Variants in AGAP3 observed in about 807,000 individuals in gnomAD.
AGAP3 encodes the protein arf-GAP with GTPase, ANK repeat and PH domain-containing protein 3.
A neutral mutation model predicts 96.9 loss-of-function variants in AGAP3; 24 were observed. The ratio of observed to expected loss-of-function variants is 0.25; its 90% confidence interval spans 0.18 to 0.35. The LOEUF is 0.35. AGAP3 is among the 10% of genes least tolerant of loss of function. The pLI is 1.00. For synonymous variants in AGAP3, 563 were observed against 536.1 expected (o/e 1.05, Z -0.69); for missense variants, 876 against 1,254.2 (o/e 0.70, Z 4.55).
Position 151,116,777 on chromosome 7 carries a change from GCT to G in AGAP3, c.332-13_332-12del. Reference sequence around the variant, plus strand: ...GTGCCACCCTGGCCCTGACGGGGCGGCTCTGTCTTCCGCAGACTCGTTTGTGA... The same window carrying G: ...GTGCCACCCTGGCCCTGACGGGGCGGCTGTCTTCCGCAGACTCGTTTGTGA... On this transcript the variant is annotated splice_polypyrimidine_tract_variant and intron_variant, in intron 1 of 17. Coordinates refer to ENST00000397238, the MANE Select transcript of AGAP3 (RefSeq NM_031946.7). The G allele has an allele frequency of 6.2e-7, 1 of 1,614,038 alleles. No homozygotes were observed. Among genetic ancestry groups the G allele is most frequent in the Non-Finnish European group, 8.5e-7 (1 of 1,179,988 alleles).
rs757071312 is a variant in AGAP3 at position 151,120,145 on chromosome 7, G to T, written c.1128G>T (p.Thr376=). 2 of 1,599,406 alleles carry T rather than the reference G, an allele frequency of 1.3e-6. No individual in the cohort carries two copies. The highest frequency in any genetic ancestry group is 8.5e-7 in the Non-Finnish European group (1 of 1,170,690). The change falls in exon 8 of 18, where the codon ACG becomes ACT. Residue 376 remains threonine, a splice_region_variant and synonymous_variant. Transcript: ENST00000397238. Reference sequence around the variant, plus strand: ...CCAAGCGGCGCTCCAACATCTTCACGGTACGTGACTGCCCTCCTCCCCCGC... The same window carrying T: ...CCAAGCGGCGCTCCAACATCTTCACTGTACGTGACTGCCCTCCTCCCCCGC... ...KQSKRRSNIF[T]SRKGADLDRE... is the part of the protein sequence containing the mutation.
At position 151,099,692 on chromosome 7, in the gene AGAP3, A is replaced by T. The variant is rs150353798; in HGVS notation, c.331+12620A>T. 1.5e-3 allele frequency among the ~76,000 whole-genome samples: 230 copies of T among 152,332 alleles called. 1 individual carries two copies. Among genetic ancestry groups the T allele is most frequent in the African/African-American group, 5.2e-3 (218 of 41,580 alleles). The stretch of plus-strand genomic sequence containing the variant: ...ACCGGGCCGCTGGCCGCTGTCAGTC[A>T]GCATCTTGACCACCTGCTAGGGGCT... On this transcript the variant is annotated intron_variant, in intron 1 of 17. Transcript: ENST00000397238.
intron 1 of AGAP3, among the ~76,000 whole-genome samples, chr7:151,093,800 C>A (rs1315187789): frequency 2.0e-5 from 3 of 152,210 alleles, no homozygotes; most frequent in African/African-American, 7.2e-5. Context: ...CCTGCTCTGC[C>A]ACTAACTGGC....
chr7:151,104,232 G>T lies in AGAP3; in HGVS notation c.332-12561G>T, dbSNP rs1386130468. Among the ~76,000 whole-genome samples, 3 of 152,296 alleles carry T rather than the reference G, an allele frequency of 2.0e-5. No homozygotes were observed. In the East Asian group the frequency reaches 5.8e-4, roughly 29 times the overall value. On this transcript the variant is annotated intron_variant, in intron 1 of 17. Coordinates refer to ENST00000397238, the MANE Select transcript of AGAP3 (RefSeq NM_031946.7). ...AATCTTTCTGTAAGTATTAGCCAGTGTTCTGTTAAGAGCAGCATCTTCCCA... is the reference window on the plus strand; with the variant it reads ...AATCTTTCTGTAAGTATTAGCCAGTTTTCTGTTAAGAGCAGCATCTTCCCA...
intron 8 of AGAP3, chr7:151,123,330 C>T: frequency 1.9e-6 from 2 of 1,035,768 alleles, no homozygotes; most frequent in Non-Finnish European, 2.3e-6. Context: ...CTCTCTCTGT[C>T]CATCCACTGT....
intron 11 of AGAP3, chr7:151,137,724 C>T (rs543207285): frequency 9.0e-4 from 169 of 188,630 alleles, no homozygotes; most frequent in African/African-American, 3.8e-3. Context: ...ACTTATTTCT[C>T]GTCAGAATGG....
chr7:151,130,651 C>G (rs1377880529), intron 10 of AGAP3, among the ~76,000 whole-genome samples: 1 of 152,120 alleles, frequency 6.6e-6, no homozygotes, highest in Non-Finnish European at 1.5e-5. Flanking sequence ...CCCTGCAAGG[C>G]CAGGCCTGGA....
At chr7:151,100,756 C>T (rs754014873) in intron 1 of AGAP3, among the ~76,000 whole-genome samples, 34 of 152,198 alleles carry the variant, frequency 2.2e-4, no homozygotes, top group Non-Finnish European at 3.8e-4. Context: ...GTGCGAGGAT[C>T]GCCTGAGCCC....
In AGAP3 at chr7:151,118,005, G is replaced by A. The variant is rs1197952236; in HGVS notation, c.707-205G>A. The A allele has an allele frequency of 9.1e-6, 8 of 880,042 alleles. 1 individual carries two copies. The highest frequency in any genetic ancestry group is 1.2e-5 in the Non-Finnish European group (7 of 586,228). 54.5% of individuals were successfully genotyped at this position (880,042 alleles called of 1,614,324 possible). The stretch of plus-strand genomic sequence containing the variant: ...TCTGTGTTTTTTTAGATGAATAAAC[G>A]TGCTCAGAGCTTAAGTGCTTGCTGG... On this transcript the variant is annotated intron_variant, in intron 5 of 17. Coordinates refer to ENST00000397238, the MANE Select transcript of AGAP3 (RefSeq NM_031946.7). This position sits in a 1 kb window ranked among gnomAD's most constrained non-coding sequence, Gnocchi z 6.1.
chr7:151,087,434 C>T (rs1190852201), intron 1 of AGAP3, among the ~76,000 whole-genome samples: 1 of 152,118 alleles, frequency 6.6e-6, no homozygotes, highest in South Asian at 2.1e-4. Context: ...AGCCGCTGCC[C>T]GGGCCCTGCT....
intron 1 of AGAP3, among the ~76,000 whole-genome samples, chr7:151,087,818 G>C (rs1283786043): frequency 1.3e-5 from 2 of 152,278 alleles, no homozygotes; most frequent in African/African-American, 4.8e-5. Flanking sequence ...TGGGCCCTTA[G>C]GCCCTGGACT....
At chr7:151,119,135 GTC>G in intron 7 of AGAP3, 1 of 184,810 alleles carries the variant, frequency 5.4e-6, no homozygotes, top group Non-Finnish European at 1.2e-5. Context: ...CCTTCTTACT[GTC>G]TCTGAGCAGC....
chr7:151,096,528 A>T lies in AGAP3; in HGVS notation c.331+9456A>T, dbSNP rs1298734288. Among the ~76,000 whole-genome samples, 1 of 150,584 alleles carries T rather than the reference A, an allele frequency of 6.6e-6. No individual in the cohort carries two copies. Among genetic ancestry groups the T allele is most frequent in the Non-Finnish European group, 1.5e-5 (1 of 67,802 alleles). On this transcript the variant is annotated intron_variant, in intron 1 of 17. Transcript: ENST00000397238. This position sits in a 1 kb window ranked among gnomAD's most constrained non-coding sequence, Gnocchi z 4.4. ...CGCTCTGTCGCCCAGGCTGGAGTGC[A>T]GTGGCGCGATCTCGGCTCACTGCAA...
Position 151,109,208 on chromosome 7 carries a change from G to C in AGAP3, c.332-7585G>C, listed in dbSNP as rs553642645. Reference sequence around the variant, plus strand: ...AAAAACAAAAAACAAAGAAAACAAAGAAAAAATAGCTGGACATGGTGTTGC... The same window carrying C: ...AAAAACAAAAAACAAAGAAAACAAACAAAAAATAGCTGGACATGGTGTTGC... On this transcript the variant is annotated intron_variant, in intron 1 of 17. Transcript: ENST00000397238. Among the ~76,000 whole-genome samples, 38 of 149,158 alleles carry C rather than the reference G, an allele frequency of 2.5e-4. No individual in the cohort carries two copies. The South Asian group carries it at 8.3e-3, about 33-fold the overall frequency.
In AGAP3 at chr7:151,142,254, G is replaced by GT. The variant is rs1422344008; in HGVS notation, c.2050+2dup. 1 of 1,612,748 alleles carries GT rather than the reference G, an allele frequency of 6.2e-7. No homozygotes were observed. ...TTTTGTATCGACTGCGATGCACCCA[G>GT]TGAGTGCAAGGCTGGTGGGGCTGGG... On this transcript the variant is annotated splice_donor_variant, in intron 15 of 17. Coordinates refer to ENST00000397238, the MANE Select transcript of AGAP3 (RefSeq NM_031946.7). LOFTEE classifies it high-confidence loss of function. This position sits in a 1 kb window ranked among gnomAD's most constrained non-coding sequence, Gnocchi z 7.5.
chr7:151,131,188 C>G lies in AGAP3; in HGVS notation c.1326+2504C>G, dbSNP rs550369027. On this transcript the variant is annotated intron_variant, in intron 10 of 17. Coordinates refer to ENST00000397238, the MANE Select transcript of AGAP3 (RefSeq NM_031946.7). ...GTGGGCCAGCCCTGAGCCCCGCGCCCGATTCTCGCCGGCCCAAGAGAGCCC... is the reference window on the plus strand; with the variant it reads ...GTGGGCCAGCCCTGAGCCCCGCGCCGGATTCTCGCCGGCCCAAGAGAGCCC... 103 of 152,322 alleles carry G rather than the reference C, an allele frequency of 6.8e-4. 1 individual carries two copies. Among genetic ancestry groups the G allele is most frequent in the African/African-American group, 2.4e-3 (98 of 41,556 alleles). The allele number at this position is 152,322 out of a possible 1,614,324, so 9.4% of individuals were successfully genotyped here.
chr7:151,118,673 T>C lies in AGAP3; in HGVS notation c.969+41T>C, dbSNP rs776724709. On this transcript the variant is annotated intron_variant, in intron 7 of 17. Transcript: ENST00000397238. The surrounding 1 kb of genome is among the most constrained non-coding windows in gnomAD (Gnocchi z 6.1). ...CGCCCTGCCCTTCCTGTCCCCACCA[T>C]GTCTGTCTTGCCTCTGTGCGTCCTG... 2 of 1,600,440 alleles carry C rather than the reference T, an allele frequency of 1.2e-6. No homozygotes were observed. Among genetic ancestry groups the C allele is most frequent in the Non-Finnish European group, 8.5e-7 (1 of 1,175,204 alleles).
chr7:151,115,180 TG>T, intron 1 of AGAP3: 1 of 1,007,836 alleles, frequency 9.9e-7, no homozygotes, highest in Non-Finnish European at 1.2e-6. Flanking sequence ...CGCCTGGAGC[TG>T]GCGGCCGCCG....
chr7:151,118,145 C>G lies in AGAP3; in HGVS notation c.707-65C>G. On this transcript the variant is annotated intron_variant, in intron 5 of 17. Transcript: ENST00000397238. This position sits in a 1 kb window ranked among gnomAD's most constrained non-coding sequence, Gnocchi z 6.1. The stretch of plus-strand genomic sequence containing the variant: ...TGCACACCTGCCCTTGGGCCAAATG[C>G]CCCCCACCACACTACCCCAGCTTCT... 1 of 1,546,312 alleles carries G rather than the reference C, an allele frequency of 6.5e-7. No homozygotes were observed. Among genetic ancestry groups the G allele is most frequent in the Non-Finnish European group, 8.8e-7 (1 of 1,141,094 alleles).
Sources: gnomAD v4.1 joint callset for allele counts (sites outside exome capture counted in the v4.1 genomes callset) on GRCh38, gnomAD v4.1.1 for gene constraint, Gnocchi (gnomAD v3.1) non-coding constraint, MANE v1.5 for transcripts, NCBI Gene and HGNC (gene_info 2026-07-23, HGNC 2026-07-21) for gene names.